Variants in POU2F3 observed in about 807,000 individuals in gnomAD.
POU2F3 encodes the protein POU domain, class 2, transcription factor 3.
In POU2F3, 23 loss-of-function variants were observed where a neutral mutation model predicts 59.2. The ratio of observed to expected loss-of-function variants is 0.39; its 90% CI spans 0.28 to 0.55. The LOEUF (loss-of-function observed/expected upper bound fraction) is 0.55, where lower values mean the gene tolerates loss of function less well. POU2F3 is among the 20% of genes least tolerant of loss of function. The probability of loss-of-function intolerance (pLI) is 0.66; values close to 1 mark genes in which losing one functional copy is unlikely to be tolerated. For synonymous variants in POU2F3, 190 were observed against 214.6 expected, an observed-to-expected ratio of 0.89 and a Z score of 1.00; for missense variants, 473 against 544.5, an observed-to-expected ratio of 0.87 and a Z score of 1.31.
intron 5 of POU2F3, chr11:120,301,315 T>G: frequency 4.0e-6 from 1 of 251,314 alleles, no homozygotes. Context: ...CTGTATCCAT[T>G]TCAACCGCCA....
chr11:120,280,632 A>AGAG (rs1565372250), intron 3 of POU2F3, among the ~76,000 whole-genome samples: 7 of 139,452 alleles, frequency 5.0e-5, no homozygotes, highest in African/African-American at 1.9e-4. Context: ...GAGAGAGAAA[A>AGAG]AGAGAGAGAG....
At chr11:120,240,485 G>C in intron 1 of POU2F3, 114 bp downstream of exon 1, 1 of 1,245,042 alleles carries the variant, frequency 8.0e-7, no homozygotes, top group Non-Finnish European at 1.0e-6. Flanking sequence ...GGCCAGGAGA[G>C]GGCGGTGTGG....
At position 120,319,457 on chromosome 11, in the gene POU2F3, T is replaced by TTTTTTTG. The variant is rs1941866446; in HGVS notation, c.*1070_*1071insTGTTTTT. The TTTTTTTG allele has an allele frequency of 6.8e-6, 1 of 147,158 alleles. No individual in the cohort carries two copies. The highest frequency in any genetic ancestry group is 2.6e-5 in the African/African-American group (1 of 39,102). 9.1% of individuals were successfully genotyped at this position (147,158 alleles called of 1,614,324 possible). ...TTTTTTCTTTTTCTTTTTTTTTTTTTTTTTTGAGACAGTCTTGCTCCAGCC... is the reference window on the plus strand; with the variant it reads ...TTTTTTCTTTTTCTTTTTTTTTTTTTTTTTTTGTTTTTGAGACAGTCTTGCTCCAGCC... On this transcript the variant is annotated 3_prime_UTR_variant, in exon 13 of 13. Transcript: ENST00000543440.
At chr11:120,306,941 G>T (rs1038081827) in intron 8 of POU2F3, among the ~76,000 whole-genome samples, 1 of 152,190 alleles carries the variant, frequency 6.6e-6, no homozygotes, top group African/African-American at 2.4e-5. Context: ...CTTCCTCAGG[G>T]ATATCCCTCC....
chr11:120,305,793 T>C lies in POU2F3; in HGVS notation c.769+8T>C. ...AGTGGCTGAATGATGCAGGTAGGCC[T>C]CGCAAACACGGATGCCAGGGGCCCT... is the stretch of plus-strand genomic sequence containing the variant. On this transcript the variant is annotated splice_region_variant and intron_variant, in intron 8 of 12. Coordinates refer to ENST00000543440, the MANE Select transcript of POU2F3 (RefSeq NM_014352.4). 1 of 1,612,984 alleles carries C rather than the reference T, an allele frequency of 6.2e-7. No individual in the cohort carries two copies. Among genetic ancestry groups the C allele is most frequent in the Non-Finnish European group, 8.5e-7 (1 of 1,179,898 alleles).
chr11:120,306,681 T>A (rs1941500313), intron 8 of POU2F3, among the ~76,000 whole-genome samples: 1 of 152,094 alleles, frequency 6.6e-6, no homozygotes, highest in East Asian at 1.9e-4. Flanking sequence ...CTGGGCTCTA[T>A]TCAGTCGATT....
At chr11:120,275,269 G>A (rs1940271613) in intron 3 of POU2F3, among the ~76,000 whole-genome samples, 1 of 152,080 alleles carries the variant, frequency 6.6e-6, no homozygotes, top group Admixed American at 6.5e-5. Flanking sequence ...AAGGAAAGAG[G>A]GATCTGGTGG....
chr11:120,265,847 T>C (rs1407806665), intron 2 of POU2F3: 3 of 152,222 alleles, frequency 2.0e-5, no homozygotes, highest in Non-Finnish European at 4.4e-5. Flanking sequence ...CCTCTTACAC[T>C]CCAGGGCAGC....
At chr11:120,258,942 G>A (rs1487330542) in intron 2 of POU2F3, 1 of 152,212 alleles carries the variant, frequency 6.6e-6, no homozygotes, top group Admixed American at 6.5e-5. Flanking sequence ...AATGTGGGTT[G>A]TATTTCCTAA....
At chr11:120,311,842 G>A (rs527603696) in intron 10 of POU2F3, among the ~76,000 whole-genome samples, 18 of 152,298 alleles carry the variant, frequency 1.2e-4, no homozygotes, top group African/African-American at 4.3e-4. Context: ...CATGCCACCA[G>A]CTTTTGCAAG....
rs756009379 is a variant in POU2F3, at chr11:120,299,631, C to T, written c.266C>T (p.Ala89Val). ...GTATCTCTCCGTGTGTAGGACATGG[C>T]TTCCCTCCATCCGCTCCAGCAGCTT... ...GLNASPCQDMASLHPLQQLVL... is the reference protein window; with the variant it reads ...GLNASPCQDMVSLHPLQQLVL... The change falls in exon 5 of 13, where the codon GCT becomes GTT. Residue 89 changes from alanine to valine, a missense_variant. By Grantham distance (64) the Ala-to-Val change is moderately conservative. Transcript: ENST00000543440. The T allele has an allele frequency of 1.2e-6, 2 of 1,613,416 alleles. No homozygotes were observed. The highest frequency in any genetic ancestry group is 1.7e-5 in the Admixed American group (1 of 59,954).
intron 11 of POU2F3, among the ~76,000 whole-genome samples, chr11:120,315,738 C>A (rs769379748): frequency 1.3e-5 from 2 of 152,208 alleles, no homozygotes; most frequent in Non-Finnish European, 2.9e-5. Context: ...AAGTAATACT[C>A]TAGTCCTCAA....
At chr11:120,296,770 A>G (rs887854582) in intron 3 of POU2F3, among the ~76,000 whole-genome samples, 4 of 152,146 alleles carry the variant, frequency 2.6e-5, no homozygotes, top group African/African-American at 9.7e-5. Context: ...GTGTATATAT[A>G]CCGCATTTTC....
chr11:120,236,834 AG>A, upstream of POU2F3: 1 of 901,026 alleles, frequency 1.1e-6, no homozygotes, highest in Non-Finnish European at 1.7e-6. Context: ...TGGGACTTAG[AG>A]GGCACCCCAG....
chr11:120,274,048 GGAAA>G (rs1415508559), intron 3 of POU2F3, among the ~76,000 whole-genome samples: 10 of 142,534 alleles, frequency 7.0e-5, no homozygotes, highest in African/African-American at 1.3e-4. Context: ...GAGAGAGAAA[GGAAA>G]GAAAGAAAGA....
At chr11:120,237,612 G>C (rs566071420), upstream of POU2F3, among the ~76,000 whole-genome samples, 18 of 152,342 alleles carry the variant, frequency 1.2e-4, no homozygotes, top group African/African-American at 4.1e-4. Flanking sequence ...ACGGGCCCCA[G>C]ATAAGGTGGT....
rs560183631 is a variant in POU2F3, at chr11:120,258,327, C to T, written c.98-10883C>T. On this transcript the variant is annotated intron_variant, in intron 2 of 12. Transcript: ENST00000543440. ...TGGCAAGGCTGGGGTAAGGCTGGAGCGGTGCTGGTCTGGAATCAGTGTTTA... is the reference window on the plus strand; with the variant it reads ...TGGCAAGGCTGGGGTAAGGCTGGAGTGGTGCTGGTCTGGAATCAGTGTTTA... Among the ~76,000 whole-genome samples, 141 of 152,244 alleles carry T rather than the reference C, an allele frequency of 9.3e-4. 1 individual carries two copies. Among genetic ancestry groups the T allele is most frequent in the African/African-American group, 3.2e-3 (133 of 41,522 alleles).
chr11:120,285,968 C>T lies in POU2F3; in HGVS notation c.133-12297C>T, dbSNP rs543809149. ...TGCTATCTCGGCTCACTGCAACCTC[C>T]GCCCCCAGGGTTCAAACAATTCTCG... On this transcript the variant is annotated intron_variant, in intron 3 of 12. Coordinates refer to ENST00000543440, the MANE Select transcript of POU2F3 (RefSeq NM_014352.4). The surrounding 1 kb of genome is among the most constrained non-coding windows in gnomAD (Gnocchi z 4.3). Among the ~76,000 whole-genome samples the T allele has an allele frequency of 4.6e-5, 7 of 152,174 alleles. No homozygotes were observed. The highest frequency in any genetic ancestry group is 3.4e-3 in the Middle Eastern group (1 of 294).
intron 11 of POU2F3, among the ~76,000 whole-genome samples, chr11:120,316,508 C>A (rs116747708): frequency 0.025 from 3,841 of 152,312 alleles, 163 homozygotes; most frequent in African/African-American, 0.086. Context: ...TAACTGCAGC[C>A]TCGACCTCCC....
Sources: allele counts gnomAD v4.1 joint callset (sites outside exome capture counted in the v4.1 genomes callset), GRCh38; gene constraint gnomAD v4.1.1; non-coding constraint Gnocchi (gnomAD v3.1); transcripts MANE v1.5; gene names NCBI Gene and HGNC (gene_info 2026-07-23, HGNC 2026-07-21).